Variants in EVL observed in about 807,000 individuals in gnomAD.
EVL encodes the protein Enah/Vasp-like, also known as ena/VASP-like protein.
Under a neutral mutation model 59.6 loss-of-function variants are expected in EVL, and 21 were observed. The ratio of observed to expected loss-of-function variants is 0.35; its 90% CI spans 0.25 to 0.51. The LOEUF is 0.51. Among genes scored for constraint, EVL ranks in the 20% least tolerant of loss-of-function variants. The pLI is 0.97. For synonymous variants in EVL, 198 were observed against 203.5 expected (o/e 0.97, Z 0.23); for missense variants, 462 against 546.6 (o/e 0.85, Z 1.54).
chr14:100,012,445 A>T (rs1450399172), intron 1 of EVL, among the ~76,000 whole-genome samples: 3 of 152,228 alleles, frequency 2.0e-5, no homozygotes, highest in Non-Finnish European at 4.4e-5. Flanking sequence ...TCTTCCTGGA[A>T]ATACCTTCTT....
chr14:100,129,114 T>C (rs1370914578), intron 6 of EVL, among the ~76,000 whole-genome samples: 2 of 152,230 alleles, frequency 1.3e-5, no homozygotes, highest in African/African-American at 4.8e-5. Flanking sequence ...CCCTTTCCAC[T>C]GTAGGAAGCT....
intron 1 of EVL, among the ~76,000 whole-genome samples, chr14:100,054,349 G>A (rs771017588): frequency 3.6e-4 from 54 of 152,110 alleles, no homozygotes; most frequent in Non-Finnish European, 5.3e-4. Context: ...CAGCGTGCCC[G>A]GCTGACGTTT....
At chr14:100,094,419 A>G (rs1483516354) in intron 2 of EVL, among the ~76,000 whole-genome samples, 1 of 152,166 alleles carries the variant, frequency 6.6e-6, no homozygotes, top group Non-Finnish European at 1.5e-5. Flanking sequence ...GTTCCTCTCT[A>G]AGAATGTAGC....
chr14:99,981,072 C>CA (rs750621318), intron 1 of EVL, among the ~76,000 whole-genome samples: 2,293 of 125,856 alleles, frequency 0.018, 50 homozygotes, highest in African/African-American at 0.055. Context: ...GATCCTATCT[C>CA]AAAAAAAAAA....
At chr14:100,031,245 C>G (rs2061310166) in intron 1 of EVL, among the ~76,000 whole-genome samples, 5 of 152,194 alleles carry the variant, frequency 3.3e-5, no homozygotes, top group Admixed American at 3.3e-4. Flanking sequence ...AGGTGAAACC[C>G]AGACATGTGC....
chr14:100,113,089 C>G (rs547713282), intron 3 of EVL, among the ~76,000 whole-genome samples: 2 of 152,142 alleles, frequency 1.3e-5, no homozygotes, highest in African/African-American at 4.8e-5. Context: ...GCCCTGGGGG[C>G]GGGCATGCCT....
intron 1 of EVL, among the ~76,000 whole-genome samples, chr14:100,068,566 C>T (rs1016390618): frequency 3.3e-5 from 5 of 152,126 alleles, no homozygotes; most frequent in African/African-American, 4.8e-5. Context: ...CCGCAGTCAT[C>T]CAGGTAAGAG....
chr14:100,133,202 C>A (rs143988776), intron 8 of EVL, among the ~76,000 whole-genome samples: 3 of 152,340 alleles, frequency 2.0e-5, no homozygotes, highest in East Asian at 3.9e-4. Flanking sequence ...GACTCCTCTT[C>A]CAGCAGGAGC....
At chr14:100,119,605 G>A (rs917783079) in intron 3 of EVL, among the ~76,000 whole-genome samples, 2 of 152,254 alleles carry the variant, frequency 1.3e-5, no homozygotes, top group East Asian at 1.9e-4. Flanking sequence ...GCAGGTTCCC[G>A]TCCAACTCAG....
At chr14:100,091,700 T>C (rs1253824518) in intron 2 of EVL, among the ~76,000 whole-genome samples, 1 of 152,172 alleles carries the variant, frequency 6.6e-6, no homozygotes, top group African/African-American at 2.4e-5. Context: ...TTTGTGAGCA[T>C]GCTAGCAAAT....
intron 1 of EVL, among the ~76,000 whole-genome samples, chr14:99,994,262 A>G (rs1177553980): frequency 6.6e-6 from 1 of 151,822 alleles, no homozygotes; most frequent in African/African-American, 2.4e-5. Context: ...TAATCCATTT[A>G]CATTAAAGTA....
chr14:100,104,041 C>T (rs188618700), intron 3 of EVL, among the ~76,000 whole-genome samples: 2 of 152,330 alleles, frequency 1.3e-5, no homozygotes, highest in African/African-American at 4.8e-5. Context: ...TGACCTGTAC[C>T]TGCCCGTTGG....
At chr14:100,082,470 C>G (rs1184852851) in intron 1 of EVL, among the ~76,000 whole-genome samples, 1 of 152,102 alleles carries the variant, frequency 6.6e-6, no homozygotes, top group Non-Finnish European at 1.5e-5. Flanking sequence ...TGCAGAGCAC[C>G]CTGTGTGACT....
chr14:100,112,237 G>A (rs983945494), intron 3 of EVL, among the ~76,000 whole-genome samples: 1 of 152,202 alleles, frequency 6.6e-6, no homozygotes, highest in Non-Finnish European at 1.5e-5. Context: ...TCCAGTTTGA[G>A]AGTGGACAGG....
intron 8 of EVL, among the ~76,000 whole-genome samples, chr14:100,134,200 G>A (rs1888625890): frequency 6.6e-6 from 1 of 152,202 alleles, no homozygotes; most frequent in South Asian, 2.1e-4. Flanking sequence ...TGAAATTGCA[G>A]GCCACGGGAT....
chr14:100,032,565 G>A (rs1218671748), intron 1 of EVL, among the ~76,000 whole-genome samples: 1 of 152,136 alleles, frequency 6.6e-6, no homozygotes, highest in Non-Finnish European at 1.5e-5. Context: ...AGCCCTCCAT[G>A]GTCTGGCTGC....
intron 1 of EVL, among the ~76,000 whole-genome samples, chr14:99,977,608 G>T (rs1349695816): frequency 6.6e-6 from 1 of 151,976 alleles, no homozygotes; most frequent in East Asian, 2.0e-4. Context: ...CTAATATTTT[G>T]TATTTTTAGT....
At chr14:100,074,889 G>A (rs1595136109) in intron 1 of EVL, 1 of 152,848 alleles carries the variant, frequency 6.5e-6, no homozygotes, top group South Asian at 2.1e-4. Context: ...GCGAGGCTGG[G>A]GCAGGCTGAG....
chr14:99,971,572 A>C (rs1159890784), exon 1 of EVL: 1 of 151,402 alleles, frequency 6.6e-6, no homozygotes, highest in East Asian at 2.0e-4. Flanking sequence ...GCGAACAGCA[A>C]CGCGCGTACC....
Sources: gnomAD v4.1 joint callset for allele counts (sites outside exome capture counted in the v4.1 genomes callset) on GRCh38, gnomAD v4.1.1 for gene constraint, MANE v1.5 for transcripts, NCBI Gene and HGNC (gene_info 2026-07-23, HGNC 2026-07-21) for gene names.